The following DENND2A variants were observed in gnomAD, a reference collection of about 807,000 sequenced individuals.
The protein encoded by DENND2A is DENN domain-containing protein 2A.
DENND2A carries 53 observed loss-of-function variants against 105.3 expected under a neutral mutation model. The observed-to-expected ratio is 0.50, with a 90% CI of 0.40 to 0.63. DENND2A has a LOEUF of 0.63. Among genes scored for constraint, DENND2A ranks in the 30% least tolerant of loss-of-function variants. The pLI is 0.00. For synonymous variants in DENND2A, 522 were observed against 508.4 expected (o/e 1.03, Z -0.36); for missense variants, 1,138 against 1,279.6 (o/e 0.89, Z 1.69).
chr7:140,525,407 A>C (rs1796022496), intron 16 of DENND2A, among the ~76,000 whole-genome samples: 1 of 152,132 alleles, frequency 6.6e-6, no homozygotes, highest in African/African-American at 2.4e-5. Context: ...CACCTGTCTC[A>C]GCCTCCCAAA....
chr7:140,518,848 C>A, intron 19 of DENND2A, 110 bp from the exon 20 acceptor site: 1 of 909,870 alleles, frequency 1.1e-6, no homozygotes, highest in Non-Finnish European at 1.8e-6. Flanking sequence ...CCACGCCACC[C>A]CAGGGAGCCT....
intron 13 of DENND2A, 117 bp from the exon 14 acceptor site, chr7:140,544,883 GA>G (rs1480218467): frequency 6.8e-7 from 1 of 1,475,260 alleles, no homozygotes. Flanking sequence ...ACTGGTGGGG[GA>G]AAAGGGAAAG....
chr7:140,599,729 T>C (rs572021957), intron 3 of DENND2A, among the ~76,000 whole-genome samples: 17 of 152,030 alleles, frequency 1.1e-4, no homozygotes, highest in Non-Finnish European at 2.4e-4. Flanking sequence ...TTCTAGAATA[T>C]GCAAACTTTT....
chr7:140,561,513 T>A (rs2130576481), intron 9 of DENND2A, among the ~76,000 whole-genome samples: 1 of 145,766 alleles, frequency 6.9e-6, no homozygotes, highest in African/African-American at 2.5e-5. Flanking sequence ...TTTTTTTTTT[T>A]TTTTTTGAGA....
At chr7:140,621,341 C>T (rs1186906337) in intron 1 of DENND2A, among the ~76,000 whole-genome samples, 1 of 152,108 alleles carries the variant, frequency 6.6e-6, no homozygotes, top group Non-Finnish European at 1.5e-5. Context: ...CCTGGCCCTT[C>T]CACATACTTT....
intron 9 of DENND2A, among the ~76,000 whole-genome samples, chr7:140,566,704 T>TTTTTTTTTA (rs1797850197): frequency 6.7e-6 from 1 of 149,778 alleles, no homozygotes; most frequent in African/African-American, 2.5e-5. Flanking sequence ...TTTTTTTTTT[T>TTTTTTTTTA]GAGACGGAGT....
chr7:140,636,899 C>T (rs948981706), intron 1 of DENND2A, among the ~76,000 whole-genome samples: 1 of 152,008 alleles, frequency 6.6e-6, no homozygotes, highest in African/African-American at 2.4e-5. Context: ...CTTGCTCTGT[C>T]GCCCAGGCTG....
At position 140,601,961 on chromosome 7, in the gene DENND2A, C is replaced by G. The variant is rs1243183033; in HGVS notation, c.437G>C (p.Arg146Thr). The part of the protein sequence containing the change: ...DPSWGRGREP[R>T]LGKLRFQNDP... ...GTTCTGAAAGCGTAGCTTGCCAAGT[C>G]TTGGCTCTCGGCCTCGGCCCCAGCT... is the stretch of plus-strand genomic sequence containing the variant. Residue 146 changes from arginine (R) to threonine (T), a missense_variant, in exon 3 of 20, where the codon AGA becomes ACA. Arg to Thr is a moderately conservative substitution (Grantham distance 71). Around this residue, in one of 2 missense-constraint regions of DENND2A, gnomAD observed 511 missense variants for 499.9 expected, o/e 1.02. Coordinates refer to ENST00000496613, the MANE Select transcript of DENND2A (RefSeq NM_015689.5). 1.2e-5 allele frequency: 19 copies of G among 1,614,114 alleles called. No individual in the cohort carries two copies. Among genetic ancestry groups the G allele is most frequent in the Non-Finnish European group, 1.6e-5 (19 of 1,180,048 alleles).
intron 3 of DENND2A, among the ~76,000 whole-genome samples, chr7:140,593,408 G>T (rs1244741744): frequency 6.6e-6 from 1 of 152,190 alleles, no homozygotes; most frequent in African/African-American, 2.4e-5. Flanking sequence ...TTGTTCCAAA[G>T]AACTTTGCTG....
intron 12 of DENND2A, among the ~76,000 whole-genome samples, chr7:140,551,527 G>A (rs1380344259): frequency 6.6e-6 from 1 of 152,004 alleles, no homozygotes; most frequent in South Asian, 2.1e-4. Context: ...GACCAGGCCT[G>A]CGCCCAGACT....
chr7:140,633,867 A>G (rs1226574405), intron 1 of DENND2A, among the ~76,000 whole-genome samples: 1 of 152,140 alleles, frequency 6.6e-6, no homozygotes. Flanking sequence ...ACCAGGCTCA[A>G]GTGATCCTCC....
intron 9 of DENND2A, among the ~76,000 whole-genome samples, chr7:140,564,294 A>C (rs1205612647): frequency 3.5e-5 from 5 of 141,996 alleles, no homozygotes; most frequent in Admixed American, 1.4e-4. Flanking sequence ...AAAAAAAAAA[A>C]AAATACACAC....
At chr7:140,611,969 G>A (rs994941869) in intron 1 of DENND2A, among the ~76,000 whole-genome samples, 5 of 152,132 alleles carry the variant, frequency 3.3e-5, no homozygotes, top group African/African-American at 7.2e-5. Flanking sequence ...GGCTGAGTGC[G>A]GTGGCTCACG....
chr7:140,598,926 A>G (rs939411483), intron 3 of DENND2A, among the ~76,000 whole-genome samples: 2 of 152,210 alleles, frequency 1.3e-5, no homozygotes, highest in African/African-American at 4.8e-5. Context: ...GGAGAGAGAC[A>G]AAGTGATTAT....
chr7:140,557,914 T>C (rs1277032532), intron 11 of DENND2A, among the ~76,000 whole-genome samples: 1 of 152,082 alleles, frequency 6.6e-6, no homozygotes, highest in African/African-American at 2.4e-5. Flanking sequence ...TCAAGTGATC[T>C]GTCCTTCTCA....
Position 140,527,391 on chromosome 7 carries a change from C to A in DENND2A, c.2432G>T (p.Cys811Phe). Residue 811 changes from cysteine to phenylalanine, a missense_variant, in exon 15 of 20, where the codon TGC becomes TTC. Physicochemically the swap from Cys to Phe is radical, Grantham distance 205. Coordinates refer to ENST00000496613, the MANE Select transcript of DENND2A (RefSeq NM_015689.5). The surrounding 1 kb of genome is among the most constrained non-coding windows in gnomAD (Gnocchi z 4.9). Reference protein sequence around the residue: ...VLPPAMVDIVCSPTPFLIGLL... With the variant: ...VLPPAMVDIVFSPTPFLIGLL... ...CCCGATGAGGAAGGGCGTCGGCGAG[C>A]ACACGATGTCGACCATGGCGGGTGG... 6.2e-7 allele frequency: 1 copy of A among 1,608,814 alleles called. No individual in the cohort carries two copies. Among genetic ancestry groups the A allele is most frequent in the Non-Finnish European group, 8.5e-7 (1 of 1,178,636 alleles).
chr7:140,537,409 T>TCA (rs1796489247), intron 14 of DENND2A, among the ~76,000 whole-genome samples: 1 of 152,236 alleles, frequency 6.6e-6, no homozygotes, highest in African/African-American at 2.4e-5. Flanking sequence ...AGCTTATGGT[T>TCA]TAACGCACTA....
At position 140,522,032 on chromosome 7, in the gene DENND2A, C is replaced by T. The variant is rs747862380; in HGVS notation, c.2734G>A (p.Gly912Arg). 4 of 1,614,148 alleles carry T rather than the reference C, an allele frequency of 2.5e-6. No homozygotes were observed. Among genetic ancestry groups the T allele is most frequent in the Non-Finnish European group, 3.4e-6 (4 of 1,180,028 alleles). ...GACGTCAGGAACAAAGAGTAGTGTCCCACAATCTCCACGAAGAAGCGGACA... is the reference window on the plus strand; with the variant it reads ...GACGTCAGGAACAAAGAGTAGTGTCTCACAATCTCCACGAAGAAGCGGACA... ...AFVRFFVEIV[G>R]HYSLFLTSGE... The change falls in exon 18 of 20, where the codon GGA becomes AGA. Residue 912 changes from glycine to arginine, a missense_variant. By Grantham distance (125) the Gly-to-Arg change is moderately radical (BLOSUM62 -2). Coordinates refer to ENST00000496613, the MANE Select transcript of DENND2A (RefSeq NM_015689.5).
rs925197372 is a variant in DENND2A, at chr7:140,540,134, G to T, written c.2327+4484C>A. Among the ~76,000 whole-genome samples the T allele has an allele frequency of 5.9e-5, 9 of 152,168 alleles. No individual in the cohort carries two copies. The South Asian group carries it at 1.0e-3, about 18-fold the overall frequency. On this transcript the variant is annotated intron_variant, in intron 14 of 19. Coordinates refer to ENST00000496613, the MANE Select transcript of DENND2A (RefSeq NM_015689.5). ...GTAAAGGGTCTAAAAACCCAATGAC[G>T]GTCTTTCTCACACTCGCACACCATT... is the stretch of plus-strand genomic sequence containing the variant.
Sources: allele counts gnomAD v4.1 joint callset (sites outside exome capture counted in the v4.1 genomes callset), GRCh38; gene constraint gnomAD v4.1.1; regional missense constraint gnomAD v4.1.1; non-coding constraint Gnocchi (gnomAD v3.1); transcripts MANE v1.5; gene names NCBI Gene and HGNC (gene_info 2026-07-23, HGNC 2026-07-21).